The following TRPM3 variants were observed in gnomAD, a reference collection of about 807,000 sequenced individuals.
TRPM3 encodes the protein transient receptor potential cation channel subfamily M member 3.
TRPM3 carries 77 observed loss-of-function variants against 181.2 expected under a neutral mutation model. That is an observed-to-expected ratio of 0.42 (90% confidence interval 0.35 to 0.51). The LOEUF is 0.51. TRPM3 is among the 20% of genes least tolerant of loss of function. The pLI is 0.01. For synonymous variants in TRPM3, 745 were observed against 796.4 expected, an observed-to-expected ratio of 0.94 and a Z score of 1.09; for missense variants, 1,759 against 2,196.7, an observed-to-expected ratio of 0.80 and a Z score of 3.98.
Position 71,076,541 on chromosome 9 carries a change from G to A in TRPM3, c.177+44637C>T, listed in dbSNP as rs75412495. Among the ~76,000 whole-genome samples, 782 of 152,188 alleles carry A rather than the reference G, an allele frequency of 5.1e-3. 18 individuals carry two copies. In the East Asian group the frequency reaches 0.078, roughly 15 times the overall value. On this transcript the variant is annotated intron_variant, in intron 1 of 25. Transcript: ENST00000677713. ...CAGTGTTCTGCTGCTGTTAGCATTC[G>A]CCACTTAGCACGATGAACAACACCC...
intron 1 of TRPM3, among the ~76,000 whole-genome samples, chr9:71,332,412 T>TGTGTGTGTG (rs1565471555): frequency 2.7e-5 from 4 of 150,578 alleles, no homozygotes; most frequent in African/African-American, 7.4e-5. Context: ...TGTGTGTGTG[T>TGTGTGTGTG]TTCAGCACAG....
chr9:70,827,578 C>G, intron 6 of TRPM3: 2 of 282,296 alleles, frequency 7.1e-6, no homozygotes, highest in East Asian at 1.3e-4. Context: ...GAAGAGAAAG[C>G]TTATCTGCAT....
chr9:71,111,553 G>A (rs1029097421), intron 1 of TRPM3, among the ~76,000 whole-genome samples: 2 of 152,172 alleles, frequency 1.3e-5, no homozygotes, highest in African/African-American at 4.8e-5. Flanking sequence ...GCACAGGACA[G>A]ATGTCCCCCA....
At chr9:70,663,448 T>C (rs920887817) in intron 9 of TRPM3, among the ~76,000 whole-genome samples, 1 of 152,218 alleles carries the variant, frequency 6.6e-6, no homozygotes, top group African/African-American at 2.4e-5. Flanking sequence ...AGCAAGTGAA[T>C]GAATGTCTCA....
chr9:71,424,071 CA>C (rs2093822665), intron 1 of TRPM3, among the ~76,000 whole-genome samples: 2 of 152,074 alleles, frequency 1.3e-5, no homozygotes, highest in African/African-American at 4.8e-5. Flanking sequence ...GAGCTCCACC[CA>C]AAGCTCAAAT....
At chr9:70,779,156 T>C (rs1038544420) in intron 7 of TRPM3, among the ~76,000 whole-genome samples, 1 of 152,132 alleles carries the variant, frequency 6.6e-6, no homozygotes, top group Non-Finnish European at 1.5e-5. Context: ...ATTCTCCTGC[T>C]CCCAAGCCAT....
intron 1 of TRPM3, among the ~76,000 whole-genome samples, chr9:71,260,756 C>T (rs1375999905): frequency 6.6e-6 from 1 of 152,164 alleles, no homozygotes; most frequent in Non-Finnish European, 1.5e-5. Flanking sequence ...GCTGAAGTTG[C>T]TTATCAACTT....
At chr9:70,614,927 C>A (rs1192566858) in intron 18 of TRPM3, among the ~76,000 whole-genome samples, 1 of 152,228 alleles carries the variant, frequency 6.6e-6, no homozygotes, top group Non-Finnish European at 1.5e-5. Flanking sequence ...TGAGCCGACT[C>A]CTCCACAGAT....
intron 1 of TRPM3, among the ~76,000 whole-genome samples, chr9:71,260,499 TCTTC>T (rs1419658096): frequency 6.6e-6 from 1 of 152,214 alleles, no homozygotes; most frequent in Non-Finnish European, 1.5e-5. Flanking sequence ...TGATATTGAT[TCTTC>T]CTATCCATGA....
At chr9:71,098,465 C>T (rs895687934) in intron 1 of TRPM3, among the ~76,000 whole-genome samples, 5 of 152,182 alleles carry the variant, frequency 3.3e-5, no homozygotes, top group Non-Finnish European at 7.3e-5. Flanking sequence ...TACTTTCACA[C>T]ACTATTCAGC....
intron 1 of TRPM3, among the ~76,000 whole-genome samples, chr9:71,120,539 AGAGAGCT>A (rs1257696651): frequency 6.6e-6 from 1 of 152,122 alleles, no homozygotes; most frequent in African/African-American, 2.4e-5. Flanking sequence ...ACAGCTAGAG[AGAGAGCT>A]GACATTCAAT....
At chr9:70,548,166 G>T (rs1200595973) in intron 25 of TRPM3, among the ~76,000 whole-genome samples, 1 of 152,166 alleles carries the variant, frequency 6.6e-6, no homozygotes, top group Non-Finnish European at 1.5e-5. Flanking sequence ...GAACCACATG[G>T]TTATATGTCC....
intron 1 of TRPM3, chr9:70,869,040 C>T: frequency 1.0e-6 from 1 of 985,198 alleles, no homozygotes; most frequent in Non-Finnish European, 1.2e-6. Flanking sequence ...GCTCCTGTTG[C>T]TTTCATTTTG....
intron 1 of TRPM3, among the ~76,000 whole-genome samples, chr9:71,338,031 C>G (rs1415797185): frequency 1.3e-5 from 2 of 151,422 alleles, no homozygotes; most frequent in East Asian, 3.9e-4. Flanking sequence ...TGTATACCTA[C>G]GTAACAAACC....
intron 9 of TRPM3, among the ~76,000 whole-genome samples, chr9:70,671,346 TG>T: frequency 6.6e-6 from 1 of 151,688 alleles, no homozygotes; most frequent in Admixed American, 6.6e-5. Flanking sequence ...TGGGTAGGAG[TG>T]GGAGCTGGGC....
At chr9:70,854,102 G>C (rs141808005) in intron 3 of TRPM3, among the ~76,000 whole-genome samples, 1 of 152,176 alleles carries the variant, frequency 6.6e-6, no homozygotes, top group African/African-American at 2.4e-5. Context: ...TTCCTATTAA[G>C]TAGTCAATAT....
chr9:71,316,275 C>A (rs997889782), intron 1 of TRPM3, among the ~76,000 whole-genome samples: 3 of 152,166 alleles, frequency 2.0e-5, no homozygotes, highest in African/African-American at 7.2e-5. Flanking sequence ...TACCAACAGA[C>A]ACGCTCTAAA....
intron 1 of TRPM3, among the ~76,000 whole-genome samples, chr9:71,371,575 C>T (rs1328644268): frequency 1.3e-5 from 2 of 152,148 alleles, no homozygotes; most frequent in Non-Finnish European, 2.9e-5. Context: ...TAAGGAATTG[C>T]TTCTTATTGA....
Position 70,535,244 on chromosome 9 carries a change from A to G in TRPM3, c.*709T>C, listed in dbSNP as rs910410473. 1.5e-6 allele frequency: 1 copy of G among 663,292 alleles called. No individual in the cohort carries two copies. Among genetic ancestry groups the G allele is most frequent in the African/African-American group, 1.8e-5 (1 of 55,310 alleles). The allele number at this position is 663,292 out of a possible 1,614,324, so 41.1% of individuals were successfully genotyped here. On this transcript the variant is annotated 3_prime_UTR_variant, in exon 26 of 26. Coordinates refer to ENST00000677713, the MANE Select transcript of TRPM3 (RefSeq NM_001366145.2). ...ACTCTTCTTTCATTTCGATTGCAAT[A>G]CAAAAAGGCATTTCTGTTCCCTTAT...
Sources: gnomAD v4.1 joint callset for allele counts (sites outside exome capture counted in the v4.1 genomes callset) on GRCh38, gnomAD v4.1.1 for gene constraint, MANE v1.5 for transcripts, NCBI Gene and HGNC (gene_info 2026-07-23, HGNC 2026-07-21) for gene names.